Variants in TNR observed in about 807,000 individuals in gnomAD.
TNR encodes tenascin R, also known as tenascin-R.
TNR carries 45 observed loss-of-function variants against 150.4 expected under a neutral mutation model. The ratio of observed to expected loss-of-function variants is 0.30; its 90% CI spans 0.24 to 0.38. TNR has a LOEUF of 0.38. Ranked by LOEUF, TNR falls within the 10% of genes least tolerant of loss-of-function variation. TNR has a pLI of 1.00. For synonymous variants in TNR, 687 were observed against 678.4 expected, an observed-to-expected ratio of 1.01 and a Z score of -0.20; for missense variants, 1,544 against 1,759.1, an observed-to-expected ratio of 0.88 and a Z score of 2.19.
chr1:175,465,850 C>A (rs1470016655), intron 2 of TNR, among the ~76,000 whole-genome samples: 1 of 152,222 alleles, frequency 6.6e-6, no homozygotes, highest in Non-Finnish European at 1.5e-5. Context: ...TATAAGCAGA[C>A]CTGCTGGTTA....
At chr1:175,661,894 G>A (rs904689298) in intron 1 of TNR, among the ~76,000 whole-genome samples, 6 of 144,176 alleles carry the variant, frequency 4.2e-5, no homozygotes, top group Non-Finnish European at 8.9e-5. Context: ...GCAGCTCTCC[G>A]GCCTTGAGAG....
chr1:175,484,036 G>A (rs925219266), intron 2 of TNR, among the ~76,000 whole-genome samples: 2 of 152,192 alleles, frequency 1.3e-5, no homozygotes, highest in African/African-American at 2.4e-5. Flanking sequence ...GGACAAGAAC[G>A]TTGTTTGCCT....
intron 2 of TNR, among the ~76,000 whole-genome samples, chr1:175,505,439 G>A (rs552580288): frequency 9.3e-4 from 141 of 152,350 alleles, no homozygotes; most frequent in African/African-American, 3.2e-3. Context: ...CGTTCCCCGG[G>A]GACGCAGGGG....
intron 1 of TNR, among the ~76,000 whole-genome samples, chr1:175,625,366 T>C (rs1266636703): frequency 6.6e-6 from 1 of 152,212 alleles, no homozygotes; most frequent in African/African-American, 2.4e-5. Context: ...GAATATGTAA[T>C]GGCTGGTAAA....
intron 3 of TNR, among the ~76,000 whole-genome samples, chr1:175,405,195 G>A (rs537420880): frequency 1.3e-5 from 2 of 152,242 alleles, no homozygotes; most frequent in Admixed American, 1.3e-4. Context: ...TGTGCACAAA[G>A]GGGTACAGAT....
At chr1:175,338,994 G>A (rs1247385830) in intron 18 of TNR, among the ~76,000 whole-genome samples, 1 of 152,238 alleles carries the variant, frequency 6.6e-6, no homozygotes, top group Non-Finnish European at 1.5e-5. Context: ...CCTACTGCAG[G>A]CATGGTTATA....
chr1:175,572,198 C>T (rs1201771544), intron 1 of TNR, among the ~76,000 whole-genome samples: 3 of 152,174 alleles, frequency 2.0e-5, no homozygotes, highest in African/African-American at 7.2e-5. Context: ...TCAGCCTGAG[C>T]CTACTGCCTC....
chr1:175,727,829 A>G (rs1378039538), intron 1 of TNR, among the ~76,000 whole-genome samples: 1 of 152,204 alleles, frequency 6.6e-6, no homozygotes, highest in African/African-American at 2.4e-5. Context: ...CTGCCTGTCT[A>G]TAAAATACAA....
chr1:175,715,083 G>T (rs986755834), intron 1 of TNR, among the ~76,000 whole-genome samples: 1 of 152,174 alleles, frequency 6.6e-6, no homozygotes, highest in Non-Finnish European at 1.5e-5. Flanking sequence ...GTGGAAAACA[G>T]ACACATAAAA....
chr1:175,701,163 T>A (rs910484809), intron 1 of TNR, among the ~76,000 whole-genome samples: 2 of 152,238 alleles, frequency 1.3e-5, no homozygotes, highest in Admixed American at 6.5e-5. Context: ...ACACAATCTA[T>A]TGCTTTTTGC....
At chr1:175,381,831 G>A (rs576105989) in intron 8 of TNR, among the ~76,000 whole-genome samples, 1 of 152,360 alleles carries the variant, frequency 6.6e-6, no homozygotes, top group South Asian at 2.1e-4. Flanking sequence ...GGCTCTGAGT[G>A]ATCCGGCCCT....
At chr1:175,360,181 C>T (rs940326072) in intron 14 of TNR, among the ~76,000 whole-genome samples, 1 of 152,164 alleles carries the variant, frequency 6.6e-6, no homozygotes, top group African/African-American at 2.4e-5. Flanking sequence ...ATGGAAAGAT[C>T]TCTGTTGAAG....
intron 1 of TNR, among the ~76,000 whole-genome samples, chr1:175,642,749 C>G (rs1664702898): frequency 6.6e-6 from 1 of 152,048 alleles, no homozygotes; most frequent in Non-Finnish European, 1.5e-5. Context: ...CTGAGCAACA[C>G]AGTGAGACCC....
In TNR at chr1:175,323,396, AC is replaced by A. The variant is rs1295083515; in HGVS notation, c.4037del (p.Arg1346LeufsTer34). 1 of 1,614,046 alleles carries A rather than the reference AC, an allele frequency of 6.2e-7. No individual in the cohort carries two copies. Among genetic ancestry groups the A allele is most frequent in the Non-Finnish European group, 8.5e-7 (1 of 1,179,972 alleles). On this transcript the variant is annotated frameshift_variant, in exon 23 of 23. Coordinates refer to ENST00000367674, the MANE Select transcript of TNR (RefSeq NM_003285.3). LOFTEE classifies it high-confidence loss of function. ...VEMKMRPYNH[R>X]LMAGRKRQSL... ...ACTGCCGTTTTCTCCCTGCCATGAG[AC>A]GGTGGTTGTAGGGGCGCATCTTCAT...
chr1:175,360,030 G>T (rs1651521051), intron 14 of TNR, among the ~76,000 whole-genome samples: 1 of 152,182 alleles, frequency 6.6e-6, no homozygotes, highest in South Asian at 2.1e-4. Flanking sequence ...AGGATTTCAA[G>T]ATATGGCTGG....
chr1:175,596,179 G>T (rs922592115), intron 1 of TNR, among the ~76,000 whole-genome samples: 3 of 152,138 alleles, frequency 2.0e-5, no homozygotes, highest in Non-Finnish European at 4.4e-5. Flanking sequence ...AAGAATTTGT[G>T]AATAACATTT....
chr1:175,586,720 G>A (rs1189631350), intron 1 of TNR, among the ~76,000 whole-genome samples: 1 of 152,206 alleles, frequency 6.6e-6, no homozygotes, highest in Non-Finnish European at 1.5e-5. Flanking sequence ...ATTAGAGTAT[G>A]TTCCAGAAGT....
chr1:175,716,974 T>C (rs1228308068), intron 1 of TNR, among the ~76,000 whole-genome samples: 1 of 152,194 alleles, frequency 6.6e-6, no homozygotes, highest in African/African-American at 2.4e-5. Flanking sequence ...CTCTGTGACC[T>C]TTCCATTACA....
Position 175,615,469 on chromosome 1 carries a change from C to T in TNR, c.-164-87100G>A, listed in dbSNP as rs549496426. On this transcript the variant is annotated intron_variant, in intron 1 of 22. Coordinates refer to ENST00000367674, the MANE Select transcript of TNR (RefSeq NM_003285.3). ...TTCGGTGATGTTGAGGACTCCACGT[C>T]CTGCCCCTTACACAGGCAGGGATCC... is the stretch of plus-strand genomic sequence containing the variant. Among the ~76,000 whole-genome samples the T allele has an allele frequency of 4.5e-4, 68 of 152,316 alleles. No individual in the cohort carries two copies. The South Asian group carries it at 0.013, about 30-fold the overall frequency.
Sources: gnomAD v4.1 joint callset for allele counts (sites outside exome capture counted in the v4.1 genomes callset) on GRCh38, gnomAD v4.1.1 for gene constraint, MANE v1.5 for transcripts, NCBI Gene and HGNC (gene_info 2026-07-23, HGNC 2026-07-21) for gene names.